Variants in MGAM2 observed in about 807,000 individuals in gnomAD.
MGAM2 encodes the protein maltase-glucoamylase 2 (putative).
MGAM2 carries 98 observed loss-of-function variants against 96.1 expected under a neutral mutation model. The ratio of observed to expected loss-of-function variants is 1.02; its 90% CI spans 0.87 to 1.21. MGAM2 has a LOEUF of 1.21. MGAM2 is among the 50% of genes most tolerant of loss of function. The probability of loss-of-function intolerance (pLI) is 0.00; values close to 1 mark genes in which losing one functional copy is unlikely to be tolerated. For missense variants in MGAM2, 2,055 were observed against 1,182.4 expected (o/e 1.74, Z -10.82); for synonymous variants, 749 against 414.8 (o/e 1.81, Z -9.79).
intron 45 of MGAM2, among the ~76,000 whole-genome samples, chr7:142,204,637 T>C (rs1797341685): frequency 6.6e-6 from 1 of 152,078 alleles, no homozygotes; most frequent in African/African-American, 2.4e-5. Context: ...ATAAAATGAT[T>C]TAACATACAT....
In MGAM2 at chr7:142,149,548, GT is replaced by G. The variant is rs146986738; in HGVS notation, c.1634+1985del. On this transcript the variant is annotated intron_variant, in intron 15 of 47. Transcript: ENST00000477922. ...CTGACGTTGTCTACTTGGATGTTTT[GT>G]TTTTTTTTTGAGACGGAGTCTCGCT... Among the ~76,000 whole-genome samples, 753 of 149,318 alleles carry G rather than the reference GT, an allele frequency of 5.0e-3. 10 individuals are homozygous for G. The highest frequency in any genetic ancestry group is 0.017 in the African/African-American group (711 of 40,844).
At position 142,147,414 on chromosome 7, in the gene MGAM2, G is replaced by A. The variant is rs1176649320; in HGVS notation, c.1517-42G>A. The A allele has an allele frequency of 1.0e-5, 7 of 680,136 alleles. No homozygotes were observed. The East Asian group carries it at 1.9e-4, about 18-fold the overall frequency. 42.1% of individuals were successfully genotyped at this position (680,136 alleles called of 1,614,324 possible). ...GTTGGGCCGCTAATTTGTTAAAGAT[G>A]GTTAATGAGGAAGTGCCTCACTAAT... On this transcript the variant is annotated intron_variant, in intron 14 of 47. Coordinates refer to ENST00000477922, the MANE Select transcript of MGAM2 (RefSeq NM_001293626.2).
chr7:142,151,174 T>A (rs1165489071), intron 15 of MGAM2, among the ~76,000 whole-genome samples: 1 of 152,092 alleles, frequency 6.6e-6, no homozygotes, highest in Non-Finnish European at 1.5e-5. Flanking sequence ...ATCAATAGAG[T>A]GTGTACTGAA....
At position 142,123,254 on chromosome 7, in the gene MGAM2, CA is replaced by C. The variant is rs1012558842; in HGVS notation, c.186+2880del. Among the ~76,000 whole-genome samples the C allele has an allele frequency of 5.6e-4, 84 of 149,534 alleles. 1 individual carries two copies. Among genetic ancestry groups the C allele is most frequent in the African/African-American group, 2.0e-3 (81 of 40,700 alleles). On this transcript the variant is annotated intron_variant, in intron 3 of 47. Coordinates refer to ENST00000477922, the MANE Select transcript of MGAM2 (RefSeq NM_001293626.2). ...GAGATTTTTTTTTTACAGCACGATT[CA>C]AAAAAATTTGCATCAAATTTTTGGG...
chr7:142,163,881 T>C (rs1180269827), intron 23 of MGAM2, among the ~76,000 whole-genome samples: 2 of 152,222 alleles, frequency 1.3e-5, no homozygotes, highest in East Asian at 1.9e-4. Flanking sequence ...TTACCATCTA[T>C]ATATTTACAT....
intron 36 of MGAM2, 112 bp from the exon 37 acceptor site, chr7:142,189,251 GGTCT>G: frequency 1.8e-6 from 1 of 544,766 alleles, no homozygotes; most frequent in Non-Finnish European, 3.3e-6. Context: ...CATAAAATTG[GGTCT>G]GTTACTGGTA....
At chr7:142,127,540 G>T (rs1281334857) in intron 3 of MGAM2, among the ~76,000 whole-genome samples, 2 of 151,976 alleles carry the variant, frequency 1.3e-5, no homozygotes, top group African/African-American at 4.8e-5. Flanking sequence ...GTTTGATCCT[G>T]TGTCCCCACC....
chr7:142,203,135 A>T (rs1315270824), intron 45 of MGAM2, among the ~76,000 whole-genome samples: 1 of 151,852 alleles, frequency 6.6e-6, no homozygotes, highest in Non-Finnish European at 1.5e-5. Flanking sequence ...GGGTTATTTG[A>T]CTTTTGCTTC....
rs1194682770 is a variant in MGAM2, at chr7:142,120,398, C to T, written c.186+17C>T. On this transcript the variant is annotated intron_variant, in intron 3 of 47. Transcript: ENST00000477922. ...GTGACCGAGGTCAGAGAAATAAGGTCCCTTTTGGTGGCCTACAGGGTGTTA... is the reference window on the plus strand; with the variant it reads ...GTGACCGAGGTCAGAGAAATAAGGTTCCTTTTGGTGGCCTACAGGGTGTTA... The T allele has an allele frequency of 5.7e-6, 4 of 702,406 alleles. No homozygotes were observed. Among genetic ancestry groups the T allele is most frequent in the Non-Finnish European group, 1.0e-5 (4 of 384,704 alleles). The allele number at this position is 702,406 out of a possible 1,614,324, so 43.5% of individuals were successfully genotyped here.
chr7:142,150,550 G>A (rs1795544768), intron 15 of MGAM2, among the ~76,000 whole-genome samples: 1 of 151,966 alleles, frequency 6.6e-6, no homozygotes, highest in South Asian at 2.1e-4. Context: ...ATAGTCCAAG[G>A]AACAGCTGCA....
At chr7:142,121,200 C>G (rs1412924959) in intron 3 of MGAM2, among the ~76,000 whole-genome samples, 1 of 151,750 alleles carries the variant, frequency 6.6e-6, no homozygotes, top group Admixed American at 6.6e-5. Context: ...TTTTTTGAGA[C>G]AGAGTCTCAC....
intron 3 of MGAM2, among the ~76,000 whole-genome samples, chr7:142,122,263 T>G (rs577454230): frequency 6.6e-6 from 1 of 152,350 alleles, no homozygotes; most frequent in South Asian, 2.1e-4. Flanking sequence ...ACCAGTTCAC[T>G]TTTTCATAAA....
intron 17 of MGAM2, among the ~76,000 whole-genome samples, chr7:142,156,579 A>G (rs1234233881): frequency 1.3e-5 from 2 of 152,234 alleles, no homozygotes; most frequent in Non-Finnish European, 2.9e-5. Context: ...CATGTGGTTC[A>G]TGGCCACCAT....
chr7:142,199,859 T>C (rs1563291144), intron 44 of MGAM2, 21 bp from the exon 45 acceptor site: 5 of 596,654 alleles, frequency 8.4e-6, no homozygotes, highest in Non-Finnish European at 1.2e-5. Context: ...GAAAAATAAC[T>C]CTTTTTTTTT....
At position 142,173,213 on chromosome 7, in the gene MGAM2, T is replaced by G; in HGVS notation, c.3562-16T>G. 1.4e-6 allele frequency: 1 copy of G among 702,738 alleles called. No homozygotes were observed. The highest frequency in any genetic ancestry group is 2.6e-6 in the Non-Finnish European group (1 of 384,740). 43.5% of individuals were successfully genotyped at this position (702,738 alleles called of 1,614,324 possible). On this transcript the variant is annotated splice_polypyrimidine_tract_variant and intron_variant, in intron 30 of 47. Coordinates refer to ENST00000477922, the MANE Select transcript of MGAM2 (RefSeq NM_001293626.2). ...CCTAAGAAATCTTTCTGGATGCATT[T>G]TTCTTTTTATTCTAGTTGATTGGTC...
chr7:142,169,267 A>G (rs1189664384), intron 26 of MGAM2, among the ~76,000 whole-genome samples: 6 of 152,020 alleles, frequency 3.9e-5, no homozygotes, highest in Admixed American at 3.9e-4. Context: ...ACTAAAATAC[A>G]AAAAATTAGC....
intron 21 of MGAM2, 117 bp from the exon 22 acceptor site, chr7:142,161,008 C>A (rs1480782726): frequency 3.5e-6 from 2 of 577,434 alleles, no homozygotes; most frequent in Admixed American, 2.5e-5. Context: ...ATATCAACAT[C>A]TACTCAGTTT....
Position 142,132,023 on chromosome 7 carries a change from C to A in MGAM2, c.513C>A (p.Tyr171Ter). 1 of 703,060 alleles carries A rather than the reference C, an allele frequency of 1.4e-6. No homozygotes were observed. The allele number at this position is 703,060 out of a possible 1,614,324, so 43.6% of individuals were successfully genotyped here. ...CTGATGCCTCCAATTTGAGCTATTA[C>A]GTGGAGGTTACTGATAAACCTTTCA... ...GIADASNLSY[Y>*]VEVTDKPFSI... is the part of the protein sequence containing the mutation. Residue 171 changes from tyrosine (Y) to a stop codon, truncating the protein, a stop_gained, in exon 6 of 48, where the codon TAC (tyrosine) becomes TAA (stop). Coordinates refer to ENST00000477922, the MANE Select transcript of MGAM2 (RefSeq NM_001293626.2). LOFTEE classifies it high-confidence loss of function.
rs907895482 is a variant in MGAM2 at position 142,130,517 on chromosome 7, C to T, written c.187-431C>T. On this transcript the variant is annotated intron_variant, in intron 3 of 47. Transcript: ENST00000477922. ...GAATACTGTTCCTCTGTCTAACCTC[C>T]CCTGGTGCTTCATGATGGGACTTAC... is the stretch of plus-strand genomic sequence containing the variant. Among the ~76,000 whole-genome samples the T allele has an allele frequency of 9.8e-5, 15 of 152,302 alleles. No individual in the cohort carries two copies. In the East Asian group the frequency reaches 1.5e-3, roughly 16 times the overall value.
Sources: allele counts gnomAD v4.1 joint callset (sites outside exome capture counted in the v4.1 genomes callset), GRCh38; gene constraint gnomAD v4.1.1; transcripts MANE v1.5; gene names NCBI Gene and HGNC (gene_info 2026-07-23, HGNC 2026-07-21).